DPH5: variants seen among roughly 807,000 people sequenced by gnomAD.
The protein encoded by DPH5 is diphthine methyl ester synthase.
In DPH5, 31 loss-of-function variants were observed where a neutral mutation model predicts 31.6. That is an observed-to-expected ratio of 0.98 (90% CI 0.74 to 1.32). The LOEUF (loss-of-function observed/expected upper bound fraction) is 1.32. DPH5 is among the 40% of genes most tolerant of loss of function. The pLI, the probability that DPH5 is intolerant of heterozygous loss-of-function variation, is 0.00. For synonymous variants in DPH5, 120 were observed against 115.0 expected (o/e 1.04, Z -0.28); for missense variants, 309 against 335.7 (o/e 0.92, Z 0.62).
chr1:101,021,821 C>CACACACAT lies in DPH5; in HGVS notation c.136-57_136-56insATGTGTGT. ...GAGACAGCAGGTGACCATTCTAACA[C>CACACACAT]ACACACACACACACACACACACACA... On this transcript the variant is annotated intron_variant, in intron 2 of 7. Transcript: ENST00000370109. 1.1e-5 allele frequency: 5 copies of CACACACAT among 470,922 alleles called. No individual in the cohort carries two copies. The South Asian group carries it at 1.6e-4, about 15-fold the overall frequency. The allele number at this position is 470,922 out of a possible 1,614,324, so 29.2% of individuals were successfully genotyped here. A position where few individuals can be genotyped will look rare whatever the true frequency, so the allele number is the denominator to read the frequency against.
chr1:100,990,361 T>C lies in DPH5; in HGVS notation c.*47A>G, dbSNP rs1352252977. On this transcript the variant is annotated 3_prime_UTR_variant, in exon 8 of 8. Transcript: ENST00000370109. Reference sequence around the variant, plus strand: ...TGGGGATACATCCAAACCATATCAATCCATATATGGCTGAAATTTACATCA... The same window carrying C: ...TGGGGATACATCCAAACCATATCAACCCATATATGGCTGAAATTTACATCA... 3.2e-6 allele frequency: 5 copies of C among 1,551,240 alleles called. No individual in the cohort carries two copies. The Admixed American group carries it at 5.0e-5, about 16-fold the overall frequency.
intron 4 of DPH5, among the ~76,000 whole-genome samples, chr1:101,011,337 G>A (rs767428552): frequency 2.0e-4 from 30 of 152,132 alleles, no homozygotes; most frequent in Admixed American, 4.6e-4. Context: ...ATATAAGACA[G>A]AACCTTAAAA....
intron 3 of DPH5, among the ~76,000 whole-genome samples, chr1:101,015,861 C>T (rs554689245): frequency 2.0e-4 from 30 of 152,186 alleles, no homozygotes; most frequent in Non-Finnish European, 3.5e-4. Context: ...AATTTTTCTG[C>T]AGCTTCCTCA....
Position 101,021,853 on chromosome 1 carries a change from C to CACACAT in DPH5, c.136-89_136-88insATGTGT, listed in dbSNP as rs1660479259. Reference sequence around the variant, plus strand: ...ACACACACACACACACACACACACACACACACTCTTTGTTTGGGACTGGTG... The same window carrying CACACAT: ...ACACACACACACACACACACACACACACACATACACACTCTTTGTTTGGGACTGGTG... On this transcript the variant is annotated intron_variant, in intron 2 of 7. Coordinates refer to ENST00000370109, the MANE Select transcript of DPH5 (RefSeq NM_015958.3). The CACACAT allele has an allele frequency of 3.1e-6, 4 of 1,296,192 alleles. No individual in the cohort carries two copies. The East Asian group carries it at 9.7e-5, about 32-fold the overall frequency. The allele number at this position is 1,296,192 out of a possible 1,614,324, so 80.3% of individuals were successfully genotyped here. A position where few individuals can be genotyped will look rare whatever the true frequency, so the allele number is the denominator to read the frequency against.
At chr1:101,023,532 T>C (rs1660621325) in intron 2 of DPH5, among the ~76,000 whole-genome samples, 1 of 152,220 alleles carries the variant, frequency 6.6e-6, no homozygotes, top group Non-Finnish European at 1.5e-5. Context: ...ACTCTGTAAG[T>C]AGTAACTCCA....
chr1:100,990,598 G>T lies in DPH5; in HGVS notation c.668C>A (p.Ala223Asp). ...VTEETLCVGL[A>D]RVGADDQKIA... The stretch of plus-strand genomic sequence containing the variant: ...TTTCTGGTCGTCGGCTCCAACCCTG[G>T]CTAAGCCAACACAAAGTGTCTCCTC... The change falls in exon 8 of 8, where the codon GCC becomes GAC. Residue 223 changes from alanine to aspartate, a missense_variant. Coordinates refer to ENST00000370109, the MANE Select transcript of DPH5 (RefSeq NM_015958.3). The T allele has an allele frequency of 6.2e-7, 1 of 1,613,858 alleles. No homozygotes were observed. Among genetic ancestry groups the T allele is most frequent in the Non-Finnish European group, 8.5e-7 (1 of 1,179,950 alleles).
chr1:101,020,473 A>G (rs1273571114), intron 3 of DPH5, among the ~76,000 whole-genome samples: 1 of 151,784 alleles, frequency 6.6e-6, no homozygotes, highest in African/African-American at 2.4e-5. Context: ...AAGGTTTCCT[A>G]GGGCCATCCT....
At chr1:100,991,562 C>T (rs1005535011) in intron 7 of DPH5, among the ~76,000 whole-genome samples, 3 of 151,842 alleles carry the variant, frequency 2.0e-5, no homozygotes, top group East Asian at 1.9e-4. Flanking sequence ...CTGAGGCAGG[C>T]GGATCGCTTG....
intron 2 of DPH5, among the ~76,000 whole-genome samples, chr1:101,024,714 T>C (rs1296721139): frequency 6.6e-6 from 1 of 152,242 alleles, no homozygotes; most frequent in African/African-American, 2.4e-5. Context: ...ATGTATAATA[T>C]ACTAACAAAT....
At chr1:101,017,591 T>C (rs1466413508) in intron 3 of DPH5, among the ~76,000 whole-genome samples, 1 of 152,222 alleles carries the variant, frequency 6.6e-6, no homozygotes, top group Non-Finnish European at 1.5e-5. Flanking sequence ...TTCCAGGCCC[T>C]ACTGGGTAAA....
At chr1:101,024,770 T>G (rs1660708322) in intron 2 of DPH5, among the ~76,000 whole-genome samples, 1 of 152,232 alleles carries the variant, frequency 6.6e-6, no homozygotes. Context: ...TACTCATACA[T>G]TTTTATATAT....
At chr1:101,002,834 A>C (rs541434260) in intron 4 of DPH5, among the ~76,000 whole-genome samples, 24 of 152,228 alleles carry the variant, frequency 1.6e-4, no homozygotes, top group Admixed American at 3.3e-4. Context: ...GCAAGATATG[A>C]GGGGAAGACA....
chr1:101,004,910 T>G (rs1057376477), intron 4 of DPH5, among the ~76,000 whole-genome samples: 1 of 152,226 alleles, frequency 6.6e-6, no homozygotes, highest in Non-Finnish European at 1.5e-5. Flanking sequence ...TACCCAGAAA[T>G]AGCTAACTGT....
Position 101,013,943 on chromosome 1 carries a change from C to T in DPH5, c.261-125G>A, listed in dbSNP as rs142509243. The T allele has an allele frequency of 1.3e-4, 87 of 666,570 alleles. 1 individual carries two copies. The East Asian group carries it at 2.2e-3, about 17-fold the overall frequency. 41.3% of individuals were successfully genotyped at this position (666,570 alleles called of 1,614,324 possible). A position where few individuals can be genotyped will look rare whatever the true frequency, so the allele number is the denominator to read the frequency against. Reference sequence around the variant, plus strand: ...CTGCCTTTCTTCAAATTCTTCCACACACCTGCATAAGGCTTTCATCTGAGC... The same window carrying T: ...CTGCCTTTCTTCAAATTCTTCCACATACCTGCATAAGGCTTTCATCTGAGC... On this transcript the variant is annotated intron_variant, in intron 3 of 7. Coordinates refer to ENST00000370109, the MANE Select transcript of DPH5 (RefSeq NM_015958.3).
chr1:101,023,707 G>A (rs1207708951), intron 2 of DPH5, among the ~76,000 whole-genome samples: 2 of 152,142 alleles, frequency 1.3e-5, no homozygotes, highest in East Asian at 3.9e-4. Flanking sequence ...AGAAACTGAG[G>A]TTCAGAGAAG....
chr1:101,015,399 T>C (rs1248900291), intron 3 of DPH5, among the ~76,000 whole-genome samples: 1 of 152,234 alleles, frequency 6.6e-6, no homozygotes, highest in Non-Finnish European at 1.5e-5. Flanking sequence ...AAGAAATCTA[T>C]GTTTTTGAGC....
chr1:101,014,465 C>A (rs1659924960), intron 3 of DPH5, among the ~76,000 whole-genome samples: 1 of 152,092 alleles, frequency 6.6e-6, no homozygotes, highest in African/African-American at 2.4e-5. Flanking sequence ...ATGTGCATAC[C>A]TTAGTTTAAA....
chr1:101,009,581 A>G (rs887037805), intron 4 of DPH5, among the ~76,000 whole-genome samples: 3 of 152,208 alleles, frequency 2.0e-5, no homozygotes, highest in African/African-American at 7.2e-5. Context: ...CATACAGTAC[A>G]AGCCACCATC....
At chr1:101,005,670 A>T (rs1159499775) in intron 4 of DPH5, among the ~76,000 whole-genome samples, 1 of 152,222 alleles carries the variant, frequency 6.6e-6, no homozygotes, top group Non-Finnish European at 1.5e-5. Context: ...CCAGGGTGGA[A>T]GGCAGGGGGT....
Sources: gnomAD v4.1 joint callset for allele counts (sites outside exome capture counted in the v4.1 genomes callset) on GRCh38, gnomAD v4.1.1 for gene constraint, MANE v1.5 for transcripts, NCBI Gene and HGNC (gene_info 2026-07-23, HGNC 2026-07-21) for gene names.